RNF180: variants seen among roughly 807,000 people sequenced by gnomAD.
RNF180 encodes E3 ubiquitin-protein ligase RNF180.
In RNF180, 38 loss-of-function variants were observed where a neutral mutation model predicts 59.2. The observed-to-expected ratio is 0.64, with a 90% CI of 0.50 to 0.84. The LOEUF is 0.84. RNF180 is among the 40% of genes least tolerant of loss of function. RNF180 has a pLI of 0.00. For synonymous variants in RNF180, 262 were observed against 240.3 expected (o/e 1.09, Z -0.84); for missense variants, 705 against 700.9 (o/e 1.01, Z -0.07).
At chr5:64,352,251 C>T (rs1449661582) in intron 7 of RNF180, among the ~76,000 whole-genome samples, 6 of 151,718 alleles carry the variant, frequency 4.0e-5, no homozygotes, top group Non-Finnish European at 7.4e-5. Context: ...TGGTGATATC[C>T]CCTTTATCAT....
chr5:64,361,293 A>G (rs1471522702), intron 7 of RNF180, among the ~76,000 whole-genome samples: 1 of 151,510 alleles, frequency 6.6e-6, no homozygotes, highest in East Asian at 2.0e-4. Flanking sequence ...GACATATGGA[A>G]TTTATCCATA....
chr5:64,300,953 A>C (rs1743130820), intron 5 of RNF180, among the ~76,000 whole-genome samples: 1 of 151,822 alleles, frequency 6.6e-6, no homozygotes, highest in South Asian at 2.1e-4. Flanking sequence ...ATTTGGAAAA[A>C]TTGCTACTGT....
intron 5 of RNF180, among the ~76,000 whole-genome samples, chr5:64,228,304 A>AG (rs1293935393): frequency 6.6e-6 from 1 of 152,112 alleles, no homozygotes; most frequent in African/African-American, 2.4e-5. Flanking sequence ...GCTTGAGCCC[A>AG]GGAGTTCAAG....
intron 2 of RNF180, among the ~76,000 whole-genome samples, 172 bp downstream of exon 2, chr5:64,201,114 G>A (rs752785474): frequency 5.9e-5 from 9 of 152,078 alleles, no homozygotes; most frequent in Non-Finnish European, 1.2e-4. Flanking sequence ...ATTCTAAAAT[G>A]GTATTCAAAA....
intron 5 of RNF180, among the ~76,000 whole-genome samples, chr5:64,233,855 GTTC>G (rs1380714197): frequency 3.3e-5 from 5 of 152,206 alleles, no homozygotes; most frequent in African/African-American, 1.2e-4. Context: ...ACTATGCCTG[GTTC>G]TTCTTCACTG....
chr5:64,211,093 A>G (rs902083590), intron 2 of RNF180, among the ~76,000 whole-genome samples: 2 of 152,184 alleles, frequency 1.3e-5, no homozygotes, highest in Admixed American at 1.3e-4. Context: ...TCCTTCTTTC[A>G]GAGCAGCTGG....
At chr5:64,246,653 T>C (rs7719544) in intron 5 of RNF180, among the ~76,000 whole-genome samples, 114,417 of 152,160 alleles carry the variant, frequency 0.75, 44,177 homozygotes, top group African/African-American at 0.94. Context: ...CAGGACCAGA[T>C]GGATTCACAT....
Position 64,291,938 on chromosome 5 carries a change from C to T in RNF180, c.1228-33248C>T, listed in dbSNP as rs544681365. Among the ~76,000 whole-genome samples, 10 of 152,092 alleles carry T rather than the reference C, an allele frequency of 6.6e-5. No individual in the cohort carries two copies. In the South Asian group the frequency reaches 1.5e-3, roughly 22 times the overall value. ...TCCTTCGCTTGATCTCTTCTGCTGT[C>T]GTGGTTATATTGTGAATTTCTTATG... On this transcript the variant is annotated intron_variant, in intron 5 of 7. Transcript: ENST00000389100.
At chr5:64,331,600 CT>C (rs1221862029) in intron 7 of RNF180, among the ~76,000 whole-genome samples, 2 of 152,216 alleles carry the variant, frequency 1.3e-5, no homozygotes, top group Non-Finnish European at 2.9e-5. Flanking sequence ...CTCCTGAGAA[CT>C]GTTCTACCAC....
chr5:64,270,048 C>CACACAA (rs1554038283), intron 5 of RNF180, among the ~76,000 whole-genome samples: 4 of 149,506 alleles, frequency 2.7e-5, no homozygotes, highest in African/African-American at 2.5e-5. Context: ...CACACACACA[C>CACACAA]AAAAGCCTTT....
chr5:64,360,427 T>G (rs866756981), intron 7 of RNF180, among the ~76,000 whole-genome samples: 4 of 151,742 alleles, frequency 2.6e-5, no homozygotes, highest in Non-Finnish European at 5.9e-5. Context: ...AAGAGCTATC[T>G]ATGACAAACC....
chr5:64,318,122 T>C (rs71626545), intron 5 of RNF180, among the ~76,000 whole-genome samples: 2 of 152,360 alleles, frequency 1.3e-5, no homozygotes, highest in African/African-American at 4.8e-5. Flanking sequence ...ATGTGTACTG[T>C]ATGTGTACTA....
At chr5:64,176,937 C>T (rs1024684820) in intron 1 of RNF180, among the ~76,000 whole-genome samples, 3 of 152,114 alleles carry the variant, frequency 2.0e-5, no homozygotes, top group African/African-American at 4.8e-5. Flanking sequence ...AGAGAATAGA[C>T]GTGTGGGCCA....
intron 5 of RNF180, among the ~76,000 whole-genome samples, chr5:64,241,707 A>G (rs1049338773): frequency 6.6e-6 from 1 of 152,202 alleles, no homozygotes; most frequent in Non-Finnish European, 1.5e-5. Context: ...AAGCTGTAGT[A>G]CTTGGTTGTA....
chr5:64,257,210 A>T (rs1744023393), intron 5 of RNF180, among the ~76,000 whole-genome samples: 1 of 152,134 alleles, frequency 6.6e-6, no homozygotes, highest in South Asian at 2.1e-4. Context: ...CTCCTCCCTG[A>T]TTGCCCTGGC....
chr5:64,201,708 T>C (rs886156058), intron 2 of RNF180, among the ~76,000 whole-genome samples: 4 of 152,214 alleles, frequency 2.6e-5, no homozygotes, highest in African/African-American at 9.6e-5. Flanking sequence ...AAACTGATAA[T>C]AGTAGATAAC....
At chr5:64,193,539 A>G (rs976916304) in intron 1 of RNF180, among the ~76,000 whole-genome samples, 2 of 152,186 alleles carry the variant, frequency 1.3e-5, no homozygotes, top group African/African-American at 4.8e-5. Flanking sequence ...GGTTCTCAGC[A>G]TTACATTAGA....
chr5:64,319,013 G>A (rs1744203521), intron 5 of RNF180, among the ~76,000 whole-genome samples: 1 of 152,080 alleles, frequency 6.6e-6, no homozygotes, highest in Non-Finnish European at 1.5e-5. Flanking sequence ...TGTCAATAAT[G>A]TATTAAAGTT....
At chr5:64,369,589 C>T (rs1205866771) in intron 7 of RNF180, 26 bp from the exon 8 acceptor site, 3 of 1,414,850 alleles carry the variant, frequency 2.1e-6, no homozygotes, top group Non-Finnish European at 2.8e-6. Context: ...ATTTAATGGG[C>T]TTTAATATGT....
Sources: gnomAD v4.1 joint callset for allele counts (sites outside exome capture counted in the v4.1 genomes callset) on GRCh38, gnomAD v4.1.1 for gene constraint, MANE v1.5 for transcripts, NCBI Gene and HGNC (gene_info 2026-07-23, HGNC 2026-07-21) for gene names.